Variants in SPOCK1 observed in about 807,000 individuals in gnomAD.
SPOCK1 encodes the protein SPARC (osteonectin), cwcv and kazal like domains proteoglycan 1, also known as testican-1.
A neutral mutation model predicts 55.3 loss-of-function variants in SPOCK1; 23 were observed. The ratio of observed to expected loss-of-function variants is 0.42; its 90% CI spans 0.30 to 0.59. SPOCK1 has a LOEUF of 0.59. Ranked by LOEUF, SPOCK1 falls within the 20% of genes least tolerant of loss-of-function variation. The pLI is 0.22. For missense variants in SPOCK1, 499 were observed against 552.5 expected, an observed-to-expected ratio of 0.90 and a Z score of 0.97; for synonymous variants, 226 against 221.0, an observed-to-expected ratio of 1.02 and a Z score of -0.20.
At chr5:137,066,940 T>G (rs935529074) in intron 6 of SPOCK1, among the ~76,000 whole-genome samples, 5 of 140,854 alleles carry the variant, frequency 3.5e-5, no homozygotes, top group Admixed American at 3.0e-4. Context: ...TACAAATCAC[T>G]CCTAGATTTT....
intron 2 of SPOCK1, among the ~76,000 whole-genome samples, chr5:137,328,084 A>G (rs1758109871): frequency 1.3e-5 from 2 of 152,226 alleles, no homozygotes; most frequent in South Asian, 4.1e-4. Flanking sequence ...CTGAGAGCTG[A>G]ACTCTTTGCC....
At chr5:137,335,769 G>GCA (rs1478888495) in intron 2 of SPOCK1, among the ~76,000 whole-genome samples, 1 of 152,174 alleles carries the variant, frequency 6.6e-6, no homozygotes, top group Admixed American at 6.5e-5. Flanking sequence ...TATTGCATGT[G>GCA]CACACACACC....
In SPOCK1 at chr5:137,303,278, C is replaced by T. The variant is rs117412845; in HGVS notation, c.187-36223G>A. 3.2e-4 allele frequency among the ~76,000 whole-genome samples: 48 copies of T among 152,198 alleles called. No individual in the cohort carries two copies. In the East Asian group the frequency reaches 8.7e-3, roughly 28 times the overall value. ...TATGACATGTGATATGTCAGACCCT[C>T]TTGGGAAAGCGAGACCTATAAGATG... On this transcript the variant is annotated intron_variant, in intron 2 of 10. Coordinates refer to ENST00000394945, the MANE Select transcript of SPOCK1 (RefSeq NM_004598.4).
At chr5:137,295,202 TTTG>T (rs1757455380) in intron 2 of SPOCK1, among the ~76,000 whole-genome samples, 1 of 152,250 alleles carries the variant, frequency 6.6e-6, no homozygotes, top group Admixed American at 6.5e-5. Context: ...ACAGCTGTTT[TTTG>T]TTCTTTATGC....
intron 6 of SPOCK1, among the ~76,000 whole-genome samples, chr5:137,030,376 G>A (rs554597698): frequency 1.3e-5 from 2 of 152,342 alleles, no homozygotes; most frequent in South Asian, 2.1e-4. Flanking sequence ...TAGTGACTAC[G>A]CCATGGCAAT....
intron 2 of SPOCK1, among the ~76,000 whole-genome samples, chr5:137,343,326 C>A (rs549702298): frequency 2.7e-4 from 41 of 152,334 alleles, no homozygotes; most frequent in Middle Eastern, 3.4e-3. Flanking sequence ...ACCCTCTTGT[C>A]TAGGCTCACC....
intron 2 of SPOCK1, among the ~76,000 whole-genome samples, chr5:137,431,495 G>T (rs545180007): frequency 6.6e-6 from 1 of 152,288 alleles, no homozygotes; most frequent in Non-Finnish European, 1.5e-5. Context: ...TGGTTTGTTT[G>T]TCCCCACCAA....
intron 6 of SPOCK1, among the ~76,000 whole-genome samples, chr5:137,004,892 T>C (rs1464147871): frequency 1.3e-5 from 2 of 152,116 alleles, no homozygotes; most frequent in Non-Finnish European, 2.9e-5. Context: ...CAGCAAGAAC[T>C]AAGGGATCTG....
chr5:137,227,146 C>T (rs1561477596), intron 3 of SPOCK1, among the ~76,000 whole-genome samples: 1 of 152,204 alleles, frequency 6.6e-6, no homozygotes, highest in Non-Finnish European at 1.5e-5. Flanking sequence ...GAAGACCCTA[C>T]TCCAGGACCT....
intron 2 of SPOCK1, among the ~76,000 whole-genome samples, chr5:137,275,954 C>CT (rs1757058704): frequency 6.6e-6 from 1 of 152,212 alleles, no homozygotes; most frequent in East Asian, 1.9e-4. Flanking sequence ...TGGCCACGTG[C>CT]CCTAACCAGC....
At chr5:137,420,374 C>A (rs997111528) in intron 2 of SPOCK1, among the ~76,000 whole-genome samples, 1 of 152,170 alleles carries the variant, frequency 6.6e-6, no homozygotes, top group Non-Finnish European at 1.5e-5. Flanking sequence ...AGGAATGGTA[C>A]CAGCTCCTCC....
intron 5 of SPOCK1, among the ~76,000 whole-genome samples, chr5:137,090,385 C>T (rs935193984): frequency 1.3e-5 from 2 of 152,202 alleles, no homozygotes; most frequent in African/African-American, 4.8e-5. Flanking sequence ...TGGGCTCTGC[C>T]TCTGGCCATA....
intron 6 of SPOCK1, among the ~76,000 whole-genome samples, chr5:137,043,973 T>A (rs760750653): frequency 2.0e-5 from 3 of 152,202 alleles, no homozygotes; most frequent in Non-Finnish European, 4.4e-5. Flanking sequence ...TAGAGAAACA[T>A]GGGTGCAGGG....
chr5:137,162,251 C>A (rs937220435), intron 3 of SPOCK1, among the ~76,000 whole-genome samples: 1 of 151,684 alleles, frequency 6.6e-6, no homozygotes, highest in Non-Finnish European at 1.5e-5. Context: ...AATTCTCCTG[C>A]CTCATTCTCC....
At chr5:137,453,222 T>C (rs981792384) in intron 2 of SPOCK1, among the ~76,000 whole-genome samples, 1 of 152,310 alleles carries the variant, frequency 6.6e-6, no homozygotes, top group East Asian at 1.9e-4. Flanking sequence ...TGAAATTCGC[T>C]GTCAATGCTA....
At chr5:137,250,619 G>A (rs578043696) in intron 3 of SPOCK1, among the ~76,000 whole-genome samples, 5 of 152,286 alleles carry the variant, frequency 3.3e-5, no homozygotes, top group African/African-American at 9.6e-5. Flanking sequence ...TTGCCCCTGT[G>A]TGCAGAGGCT....
chr5:137,070,911 A>C (rs1752599136), intron 5 of SPOCK1, among the ~76,000 whole-genome samples: 1 of 152,024 alleles, frequency 6.6e-6, no homozygotes, highest in South Asian at 2.1e-4. Context: ...AACAGTACTT[A>C]TCTCTTATCT....
At chr5:137,087,852 G>C (rs976215616) in intron 5 of SPOCK1, among the ~76,000 whole-genome samples, 2 of 108,992 alleles carry the variant, frequency 1.8e-5, no homozygotes, top group Admixed American at 2.2e-4. Flanking sequence ...AAAAAAGTGT[G>C]TAAACCAAGG....
At chr5:137,049,375 C>G (rs969635054) in intron 6 of SPOCK1, among the ~76,000 whole-genome samples, 1,384 of 133,752 alleles carry the variant, frequency 0.01, 24 homozygotes, top group African/African-American at 0.036. Flanking sequence ...TCCCTTCTCG[C>G]TTCATTTCAT....
Sources: allele counts gnomAD v4.1 joint callset (sites outside exome capture counted in the v4.1 genomes callset), GRCh38; gene constraint gnomAD v4.1.1; transcripts MANE v1.5; gene names NCBI Gene and HGNC (gene_info 2026-07-23, HGNC 2026-07-21).